The following CELSR1 variants were observed in gnomAD, a reference collection of about 807,000 sequenced individuals.
CELSR1 encodes cadherin EGF LAG seven-pass G-type receptor 1.
CELSR1 carries 110 observed loss-of-function variants against 249.1 expected under a neutral mutation model. That is an observed-to-expected ratio of 0.44 (90% CI 0.38 to 0.52). The LOEUF is 0.52. Among genes scored for constraint, CELSR1 ranks in the 20% least tolerant of loss-of-function variants. The pLI is 0.00. For missense variants in CELSR1, 4,109 were observed against 4,296.4 expected (o/e 0.96, Z 1.22); for synonymous variants, 2,113 against 1,900.0 (o/e 1.11, Z -2.92).
At chr22:46,483,620 G>C (rs1406694523) in intron 1 of CELSR1, among the ~76,000 whole-genome samples, 2 of 152,086 alleles carry the variant, frequency 1.3e-5, no homozygotes. Flanking sequence ...AGGATTGCAA[G>C]AGCTACGTAA....
intron 18 of CELSR1, 152 bp downstream of exon 18, chr22:46,389,138 C>T (rs1938006346): frequency 6.9e-6 from 6 of 872,094 alleles, no homozygotes; most frequent in South Asian, 1.5e-5. Flanking sequence ...GCACTGCACC[C>T]GCCAGGGCTC....
At chr22:46,442,675 G>T (rs2079765706) in intron 2 of CELSR1, among the ~76,000 whole-genome samples, 1 of 152,254 alleles carries the variant, frequency 6.6e-6, no homozygotes, top group Non-Finnish European at 1.5e-5. Context: ...AAGAACAAAT[G>T]AAACTGATTT....
In CELSR1 at chr22:46,381,469, A is replaced by C. The variant is rs1050229152; in HGVS notation, c.7088+377T>G. ...GGGACATTCATCCTTTCCAGCCAGGACTAGCTGAGCAGACCTAACCCCGGG... is the reference window on the plus strand; with the variant it reads ...GGGACATTCATCCTTTCCAGCCAGGCCTAGCTGAGCAGACCTAACCCCGGG... On this transcript the variant is annotated intron_variant, in intron 21 of 34. Coordinates refer to ENST00000674500, the MANE Select transcript of CELSR1 (RefSeq NM_001378328.1). The surrounding 1 kb of genome is among the most constrained non-coding windows in gnomAD (Gnocchi z 6.0). Among the ~76,000 whole-genome samples, 4 of 152,188 alleles carry C rather than the reference A, an allele frequency of 2.6e-5. No homozygotes were observed. The highest frequency in any genetic ancestry group is 7.2e-5 in the African/African-American group (3 of 41,424).
rs556938378 is a variant in CELSR1, at chr22:46,522,134, G to A, written c.3544+11493C>T. On this transcript the variant is annotated intron_variant, in intron 1 of 34. Transcript: ENST00000674500. ...CAAACAGTTATTGCCCTGCAAAAGC[G>A]TGTATGTGTTAAACAGGGTCTTACT... Among the ~76,000 whole-genome samples, 20 of 152,132 alleles carry A rather than the reference G, an allele frequency of 1.3e-4. No individual in the cohort carries two copies. In the East Asian group the frequency reaches 2.3e-3, roughly 18 times the overall value.
rs183837929 is a variant in CELSR1 at position 46,446,615 on chromosome 22, G to C, written c.4184-7204C>G. On this transcript the variant is annotated intron_variant, in intron 2 of 34. Transcript: ENST00000674500. This position sits in a 1 kb window ranked among gnomAD's most constrained non-coding sequence, Gnocchi z 5.5. ...CAGGGAGGGTCGCAGGGGGTCGGTG[G>C]GGGGGAAAGCTGGGTCCATAGCAGG... 5.2e-3 allele frequency among the ~76,000 whole-genome samples: 771 copies of C among 148,168 alleles called. 5 individuals carry two copies. Among genetic ancestry groups the C allele is most frequent in the Middle Eastern group, 0.02 (6 of 294 alleles).
rs2079841952 is a variant in CELSR1, at chr22:46,448,160, G to GGCTGGGT, written c.4184-8756_4184-8750dup. Among the ~76,000 whole-genome samples, 1 of 152,244 alleles carries GGCTGGGT rather than the reference G, an allele frequency of 6.6e-6. No individual in the cohort carries two copies. The highest frequency in any genetic ancestry group is 2.1e-4 in the South Asian group (1 of 4,832). On this transcript the variant is annotated intron_variant, in intron 2 of 34. Transcript: ENST00000674500. The surrounding 1 kb of genome is among the most constrained non-coding windows in gnomAD (Gnocchi z 5.7). The stretch of plus-strand genomic sequence containing the variant: ...AAACGGCTTACCTGCTGCAGGCGGG[G>GGCTGGGT]GCTGGGTGCTGGGTGTGCTCCTGGT...
At chr22:46,443,102 GA>G (rs796295650) in intron 2 of CELSR1, among the ~76,000 whole-genome samples, 3,296 of 128,014 alleles carry the variant, frequency 0.026, 76 homozygotes, top group African/African-American at 0.069. Context: ...CGTCTCTTAA[GA>G]AAAAAAAAAA....
In CELSR1 at chr22:46,469,514, TTTG is replaced by T. The variant is rs1332749599; in HGVS notation, c.3545-5172_3545-5170del. Among the ~76,000 whole-genome samples, 429 of 152,078 alleles carry T rather than the reference TTTG, an allele frequency of 2.8e-3. 1 individual carries two copies. The highest frequency in any genetic ancestry group is 9.8e-3 in the African/African-American group (406 of 41,530). On this transcript the variant is annotated intron_variant, in intron 1 of 34. Transcript: ENST00000674500. ...GCTCTCTGTGTTTGTTTTGTTGTTG[TTTG>T]TTTGTTTGTTTGTTTTGAGATGGAG...
rs61737815 is a variant in CELSR1 at position 46,436,201 on chromosome 22, C to T, written c.4495G>A (p.Glu1499Lys). ...GCAGAGAAGGTGAGCTGCACCTGCT[C>T]GTCCACGATCTCCAGGGCGATGAAG... ...HDFIALEIVD[E>K]QVQLTFSAGE... The change falls in exon 4 of 35, where the codon GAG becomes AAG. Residue 1499 changes from glutamate to lysine, a missense_variant. Physicochemically the swap from Glu to Lys is moderately conservative, Grantham distance 56. This residue lies in a region of CELSR1 where 453 missense variants were observed against 492.0 expected (regional missense o/e 0.92). Transcript: ENST00000674500. The surrounding 1 kb of genome is among the most constrained non-coding windows in gnomAD (Gnocchi z 5.9). 390 of 1,612,294 alleles carry T rather than the reference C, an allele frequency of 2.4e-4. No individual in the cohort carries two copies. The African/African-American group carries it at 4.5e-3, about 19-fold the overall frequency.
chr22:46,410,404 G>A lies in CELSR1; in HGVS notation c.4927C>T (p.Arg1643Trp), dbSNP rs201646002. 3.3e-5 allele frequency: 54 copies of A among 1,613,520 alleles called. No homozygotes were observed. The Admixed American group carries it at 5.7e-4, about 17-fold the overall frequency. The change falls in exon 7 of 35, where the codon CGG (arginine) becomes TGG (tryptophan). Residue 1643 changes from arginine (R) to tryptophan (W), a missense_variant. Coordinates refer to ENST00000674500, the MANE Select transcript of CELSR1 (RefSeq NM_001378328.1). This position sits in a 1 kb window ranked among gnomAD's most constrained non-coding sequence, Gnocchi z 6.8. ...MAGFIANNGT[R>W]EGCAARRNFC... is the part of the protein sequence containing the mutation. ...CCCTGACGGCCACCCGTACCTTCCC[G>A]GGTGCCATTGTTGGCGATGAATCCG...
At position 46,391,080 on chromosome 22, in the gene CELSR1, G is replaced by A. The variant is rs1044397459; in HGVS notation, c.6250+106C>T. 6.9e-5 allele frequency: 62 copies of A among 893,228 alleles called. No individual in the cohort carries two copies. The highest frequency in any genetic ancestry group is 1.0e-4 in the East Asian group (4 of 39,178). The allele number at this position is 893,228 out of a possible 1,614,324, so 55.3% of individuals were successfully genotyped here. A position where few individuals can be genotyped will look rare whatever the true frequency, so the allele number is the denominator to read the frequency against. ...GATTTCTCCCCAGCACTTTGCCTGC[G>A]GATATTTTTTCAACACGAAACATTC... On this transcript the variant is annotated intron_variant, in intron 16 of 34. Coordinates refer to ENST00000674500, the MANE Select transcript of CELSR1 (RefSeq NM_001378328.1). This position sits in a 1 kb window ranked among gnomAD's most constrained non-coding sequence, Gnocchi z 4.3.
In CELSR1 at chr22:46,490,406, C is replaced by G. The variant is rs1569199305; in HGVS notation, c.3545-26061G>C. 2.0e-5 allele frequency among the ~76,000 whole-genome samples: 3 copies of G among 152,172 alleles called. No individual in the cohort carries two copies. Among genetic ancestry groups the G allele is most frequent in the Non-Finnish European group, 4.4e-5 (3 of 68,030 alleles). On this transcript the variant is annotated intron_variant, in intron 1 of 34. Transcript: ENST00000674500. This position sits in a 1 kb window ranked among gnomAD's most constrained non-coding sequence, Gnocchi z 5.2. Reference sequence around the variant, plus strand: ...AGTTCAACCAATTCTTCTCCCTCAGCCTCCTGAGTAGCTGGGATCACAGGC... The same window carrying G: ...AGTTCAACCAATTCTTCTCCCTCAGGCTCCTGAGTAGCTGGGATCACAGGC...
chr22:46,407,546 C>T lies in CELSR1; in HGVS notation c.5226+1450G>A, dbSNP rs948542042. On this transcript the variant is annotated intron_variant, in intron 9 of 34. Transcript: ENST00000674500. The surrounding 1 kb of genome is among the most constrained non-coding windows in gnomAD (Gnocchi z 4.8). ...ACAATGGAGGCTGAGGCAGGAGAAT[C>T]GCTTGAACCTGGGGGGCAGAAGTTG... is the stretch of plus-strand genomic sequence containing the variant. Among the ~76,000 whole-genome samples the T allele has an allele frequency of 6.6e-6, 1 of 152,034 alleles. No individual in the cohort carries two copies. The highest frequency in any genetic ancestry group is 6.5e-5 in the Admixed American group (1 of 15,270).
At chr22:46,481,414 C>T in intron 1 of CELSR1, 1 of 1,449,686 alleles carries the variant, frequency 6.9e-7, no homozygotes, top group Non-Finnish European at 9.6e-7. Flanking sequence ...CTTGGTCACA[C>T]CACCTTCCAG....
In CELSR1 at chr22:46,441,557, T is replaced by C. The variant is rs1203699261; in HGVS notation, c.4184-2146A>G. Among the ~76,000 whole-genome samples the C allele has an allele frequency of 6.6e-6, 1 of 152,204 alleles. No homozygotes were observed. The highest frequency in any genetic ancestry group is 1.5e-5 in the Non-Finnish European group (1 of 68,034). On this transcript the variant is annotated intron_variant, in intron 2 of 34. Transcript: ENST00000674500. The surrounding 1 kb of genome is among the most constrained non-coding windows in gnomAD (Gnocchi z 6.1). Reference sequence around the variant, plus strand: ...AGCTCTGGAGGTTGGAAGCCCAACATCACGCTTCCAGCTGAGGTGGCCTCT... The same window carrying C: ...AGCTCTGGAGGTTGGAAGCCCAACACCACGCTTCCAGCTGAGGTGGCCTCT...
rs1602252356 is a variant in CELSR1, at chr22:46,534,494, G to A, written c.2677C>T (p.Leu893=). 6.2e-7 allele frequency: 1 copy of A among 1,613,378 alleles called. No individual in the cohort carries two copies. Among genetic ancestry groups the A allele is most frequent in the South Asian group, 1.1e-5 (1 of 91,084 alleles). The part of the protein sequence containing the change: ...LDANDNAPQF[L]WDFYQGSIFE... ...ATGGAACCCTGGTAGAAATCCCACA[G>A]GAACTGGGGTGCATTGTCATTGGCA... The change falls in exon 1 of 35, where the codon CTG becomes TTG. Residue 893 remains leucine, a synonymous_variant. Coordinates refer to ENST00000674500, the MANE Select transcript of CELSR1 (RefSeq NM_001378328.1). This position sits in a 1 kb window ranked among gnomAD's most constrained non-coding sequence, Gnocchi z 9.7.
chr22:46,498,291 C>CAA (rs757698564), intron 1 of CELSR1, among the ~76,000 whole-genome samples: 124 of 11,326 alleles, frequency 0.011, 2 homozygotes, highest in African/African-American at 0.021. Context: ...AACTCTGTCT[C>CAA]AAAAAAAAAA....
chr22:46,436,366 C>A lies in CELSR1; in HGVS notation c.4407-77G>T. ...GGCTGCCTAGGAATGACAAGTCCAG[C>A]CGGAGGAGGGCAAGCACGTGGGGCT... On this transcript the variant is annotated intron_variant, in intron 3 of 34. Transcript: ENST00000674500. The surrounding 1 kb of genome is among the most constrained non-coding windows in gnomAD (Gnocchi z 5.9). The A allele has an allele frequency of 1.8e-6, 2 of 1,086,046 alleles. No homozygotes were observed. The highest frequency in any genetic ancestry group is 2.5e-5 in the East Asian group (1 of 40,778). The allele number at this position is 1,086,046 out of a possible 1,614,324, so 67.3% of individuals were successfully genotyped here.
intron 1 of CELSR1, among the ~76,000 whole-genome samples, chr22:46,513,918 C>A (rs889872078): frequency 6.7e-6 from 1 of 150,350 alleles, no homozygotes; most frequent in African/African-American, 2.4e-5. Flanking sequence ...TCAGCCCCCC[C>A]CGAGTAGCTG....
Sources: gnomAD v4.1 joint callset for allele counts (sites outside exome capture counted in the v4.1 genomes callset) on GRCh38, gnomAD v4.1.1 for gene constraint, gnomAD v4.1.1 regional missense constraint, Gnocchi (gnomAD v3.1) non-coding constraint, MANE v1.5 for transcripts, NCBI Gene and HGNC (gene_info 2026-07-23, HGNC 2026-07-21) for gene names.